The following CBLN2 variants were observed in gnomAD, a reference collection of about 807,000 sequenced individuals.
The protein encoded by CBLN2 is cerebellin-2.
CBLN2 carries 7 observed loss-of-function variants against 15.0 expected under a neutral mutation model. The ratio of observed to expected loss-of-function variants is 0.47; its 90% CI spans 0.27 to 0.88. The LOEUF is 0.88. Among genes scored for constraint, CBLN2 ranks in the 40% least tolerant of loss-of-function variants. The pLI is 0.14. For synonymous variants in CBLN2, 149 were observed against 135.2 expected (o/e 1.10, Z -0.71); for missense variants, 242 against 304.5 (o/e 0.79, Z 1.53).
intron 1 of CBLN2, among the ~76,000 whole-genome samples, chr18:72,596,373 T>A (rs1401512158): frequency 1.3e-5 from 2 of 152,180 alleles, no homozygotes; most frequent in African/African-American, 2.4e-5. Flanking sequence ...TATCTTATTA[T>A]ACTGCCTGTG....
chr18:72,569,103 C>T (rs2144903619), intron 1 of CBLN2, among the ~76,000 whole-genome samples: 1 of 152,164 alleles, frequency 6.6e-6, no homozygotes, highest in East Asian at 1.9e-4. Context: ...ACTCTGATAC[C>T]ACCGGAGTCG....
chr18:72,597,720 C>T (rs2069522520), intron 1 of CBLN2, among the ~76,000 whole-genome samples: 1 of 152,196 alleles, frequency 6.6e-6, no homozygotes, highest in South Asian at 2.1e-4. Context: ...ACCTGGTGTT[C>T]TATTCTACTG....
intron 1 of CBLN2, among the ~76,000 whole-genome samples, chr18:72,605,426 A>C (rs536881101): frequency 6.6e-6 from 1 of 152,346 alleles, no homozygotes; most frequent in Non-Finnish European, 1.5e-5. Flanking sequence ...CCTTTGCTAA[A>C]GTTTTTTCCG....
intron 1 of CBLN2, among the ~76,000 whole-genome samples, chr18:72,552,287 T>C (rs1273788257): frequency 1.3e-5 from 2 of 152,092 alleles, no homozygotes; most frequent in East Asian, 1.9e-4. Context: ...TTTAGTCATG[T>C]TGATCAGGCT....
At position 72,538,184 on chromosome 18, in the gene CBLN2, G is replaced by A. The variant is rs868142587; in HGVS notation, c.667C>T (p.Pro223Ser). The A allele has an allele frequency of 2.5e-6, 4 of 1,614,062 alleles. No individual in the cohort carries two copies. The East Asian group carries it at 8.9e-5, about 36-fold the overall frequency. The change falls in exon 5 of 5, where the codon CCT (proline) becomes TCT (serine). Residue 223 changes from proline to serine, a missense_variant. Pro to Ser is a moderately conservative substitution (Grantham distance 74). Around this residue, in one of 4 missense-constraint regions of CBLN2, gnomAD observed 31 missense variants for 36.3 expected, o/e 0.86. Coordinates refer to ENST00000269503, the MANE Select transcript of CBLN2 (RefSeq NM_182511.4). ...TCTAGGGGGCTCTGTGTTTATAGAG[G>A]AAACACCAAGAAGCCCGAGAATGTG... ...YSTFSGFLVF[P>S]L
intron 1 of CBLN2, among the ~76,000 whole-genome samples, chr18:72,604,725 C>T (rs1323959489): frequency 6.6e-6 from 1 of 152,166 alleles, no homozygotes; most frequent in Non-Finnish European, 1.5e-5. Flanking sequence ...GAAGATGAAC[C>T]TGAGCTAGCA....
intron 1 of CBLN2, among the ~76,000 whole-genome samples, chr18:72,566,684 T>C (rs191804722): frequency 2.0e-5 from 3 of 152,296 alleles, no homozygotes; most frequent in Admixed American, 2.0e-4. Context: ...GATTTGTTAA[T>C]GAGTACAATG....
At chr18:72,589,919 G>C (rs886495308) in intron 1 of CBLN2, among the ~76,000 whole-genome samples, 1 of 152,080 alleles carries the variant, frequency 6.6e-6, no homozygotes, top group African/African-American at 2.4e-5. Context: ...GATCACTTGA[G>C]GTCAGGAGTT....
At chr18:72,634,364 C>T (rs983777462) in intron 1 of CBLN2, among the ~76,000 whole-genome samples, 1 of 151,850 alleles carries the variant, frequency 6.6e-6, no homozygotes, top group Non-Finnish European at 1.5e-5. Flanking sequence ...TCTATTATGG[C>T]CAATGATATA....
chr18:72,576,878 CAAAT>C (rs2069370680), intron 1 of CBLN2, among the ~76,000 whole-genome samples: 1 of 148,120 alleles, frequency 6.8e-6, no homozygotes, highest in African/African-American at 2.5e-5. Flanking sequence ...ATATTAATGA[CAAAT>C]ATATATATAA....
intron 1 of CBLN2, among the ~76,000 whole-genome samples, chr18:72,628,296 A>G (rs1321882878): frequency 6.6e-6 from 1 of 152,250 alleles, no homozygotes. Context: ...TGCAACAGTC[A>G]GGTTTTCCAG....
chr18:72,558,011 T>C (rs1453024654), intron 1 of CBLN2, among the ~76,000 whole-genome samples: 1 of 152,046 alleles, frequency 6.6e-6, no homozygotes, highest in Non-Finnish European at 1.5e-5. Flanking sequence ...CTGGCAGAAA[T>C]GAATAGCTCT....
chr18:72,546,021 T>C (rs1461059714), upstream of CBLN2, among the ~76,000 whole-genome samples: 1 of 152,248 alleles, frequency 6.6e-6, no homozygotes, highest in East Asian at 1.9e-4. Context: ...AGCATTCTTA[T>C]ATAATAAACA....
intron 1 of CBLN2, among the ~76,000 whole-genome samples, chr18:72,582,364 T>C (rs191531192): frequency 6.6e-6 from 1 of 152,298 alleles, no homozygotes; most frequent in African/African-American, 2.4e-5. Context: ...ATGGAGTTTG[T>C]AGGAAGATAA....
At chr18:72,556,871 T>C (rs1180578744) in intron 1 of CBLN2, among the ~76,000 whole-genome samples, 1 of 152,008 alleles carries the variant, frequency 6.6e-6, no homozygotes, top group Non-Finnish European at 1.5e-5. Context: ...AAAAAAACTC[T>C]TAAAACCAAC....
intron 1 of CBLN2, chr18:72,552,639 A>G (rs1396406264): frequency 6.6e-6 from 1 of 152,180 alleles, no homozygotes; most frequent in Non-Finnish European, 1.5e-5. Context: ...GATGCTCACT[A>G]AAATTATGAA....
At chr18:72,629,274 G>T (rs11872881) in intron 1 of CBLN2, among the ~76,000 whole-genome samples, 5,974 of 152,186 alleles carry the variant, frequency 0.039, 213 homozygotes, top group South Asian at 0.09. Context: ...CAAGACAATT[G>T]TTCTGCTTGG....
intron 1 of CBLN2, among the ~76,000 whole-genome samples, chr18:72,568,939 A>C (rs1054425040): frequency 1.3e-5 from 2 of 152,252 alleles, no homozygotes; most frequent in Non-Finnish European, 2.9e-5. Flanking sequence ...AAATAATCTA[A>C]TATTCAAAAC....
chr18:72,559,486 C>T (rs1290171402), intron 1 of CBLN2, among the ~76,000 whole-genome samples: 2 of 152,126 alleles, frequency 1.3e-5, no homozygotes, highest in Non-Finnish European at 2.9e-5. Context: ...GGCTTGCTTT[C>T]ATTTTCATAG....
Sources: gnomAD v4.1 joint callset for allele counts (sites outside exome capture counted in the v4.1 genomes callset) on GRCh38, gnomAD v4.1.1 for gene constraint, gnomAD v4.1.1 regional missense constraint, MANE v1.5 for transcripts, NCBI Gene and HGNC (gene_info 2026-07-23, HGNC 2026-07-21) for gene names.